Variants in RCOR2 observed in about 807,000 individuals in gnomAD.
RCOR2 encodes the protein REST corepressor 2.
In RCOR2, 19 loss-of-function variants were observed where a neutral mutation model predicts 58.9. The observed-to-expected ratio is 0.32, with a 90% CI of 0.23 to 0.47. The LOEUF is 0.47. Among genes scored for constraint, RCOR2 ranks in the 20% least tolerant of loss-of-function variants. The pLI, the probability that RCOR2 is intolerant of heterozygous loss-of-function variation, is 1.00. For missense variants in RCOR2, 590 were observed against 707.9 expected (o/e 0.83, Z 1.89); for synonymous variants, 286 against 278.7 (o/e 1.03, Z -0.26).
chr11:63,915,272 G>T lies in RCOR2; in HGVS notation c.185-14C>A. 1 of 1,550,442 alleles carries T rather than the reference G, an allele frequency of 6.4e-7. No individual in the cohort carries two copies. The highest frequency in any genetic ancestry group is 1.2e-5 in the South Asian group (1 of 84,038). On this transcript the variant is annotated splice_polypyrimidine_tract_variant and intron_variant, in intron 2 of 11. Coordinates refer to ENST00000301459, the MANE Select transcript of RCOR2 (RefSeq NM_173587.4). ...GTGCGGGGCTCTCTGAAAGGCCGAG[G>T]AGCAGGAGGGAAGACACTCAGATCA...
chr11:63,927,171 G>T, the RCOR2 span, among the ~76,000 whole-genome samples: 1 of 152,046 alleles, frequency 6.6e-6, no homozygotes, highest in African/African-American at 2.4e-5. Context: ...CTTACCTTTC[G>T]AAATGAAGCT....
chr11:63,913,764 G>A (rs1394153702), intron 8 of RCOR2, among the ~76,000 whole-genome samples, 190 bp downstream of exon 8: 1 of 152,182 alleles, frequency 6.6e-6, no homozygotes, highest in Admixed American at 6.5e-5. Flanking sequence ...TTACAGGCGT[G>A]AGCCAGCGCA....
chr11:63,914,389 C>T, intron 6 of RCOR2, 28 bp downstream of exon 6: 1 of 1,613,376 alleles, frequency 6.2e-7, no homozygotes, highest in South Asian at 1.1e-5. Context: ...TACCTACCCC[C>T]ATGCCCAGTG....
Position 63,912,717 on chromosome 11 carries a change from T to C in RCOR2, c.986A>G (p.Asn329Ser). 1.2e-6 allele frequency: 2 copies of C among 1,613,866 alleles called. No homozygotes were observed. Among genetic ancestry groups the C allele is most frequent in the Non-Finnish European group, 1.7e-6 (2 of 1,179,958 alleles). ...CTGCTCATCTGTGGTCCAGCGGGAGTTGAACTTGGTGTTGGCCTGGAAAGC... is the reference window on the plus strand; with the variant it reads ...CTGCTCATCTGTGGTCCAGCGGGAGCTGAACTTGGTGTTGGCCTGGAAAGC... ...LRPPEANTKF[N>S]SRWTTDEQLL... is the part of the protein sequence containing the mutation. Residue 329 changes from asparagine (N) to serine (S), a missense_variant, in exon 10 of 12, where the codon AAC (asparagine) becomes AGC (serine). Asn to Ser is a conservative substitution (Grantham distance 46). Transcript: ENST00000301459.
chr11:63,923,454 C>T, the RCOR2 span, among the ~76,000 whole-genome samples: 1 of 152,082 alleles, frequency 6.6e-6, no homozygotes. Flanking sequence ...GTCCTCACCT[C>T]CCACTCACTC....
chr11:63,915,148 C>G (rs1474130619), intron 3 of RCOR2, 30 bp downstream of exon 3: 10 of 1,542,788 alleles, frequency 6.5e-6, no homozygotes, highest in Non-Finnish European at 8.8e-7. Flanking sequence ...GAACCCAAGC[C>G]CCCACCTCCC....
intron 1 of RCOR2, among the ~76,000 whole-genome samples, 185 bp from the exon 2 acceptor site, chr11:63,915,796 AGGAAAAGAC>A (rs1941848724): frequency 6.6e-6 from 1 of 152,132 alleles, no homozygotes; most frequent in Non-Finnish European, 1.5e-5. Flanking sequence ...GGACTGGAAG[AGGAAAAGAC>A]CCTGTCCAGC....
upstream of RCOR2, among the ~76,000 whole-genome samples, chr11:63,921,158 C>T (rs976895271): frequency 2.0e-5 from 3 of 152,130 alleles, no homozygotes; most frequent in Admixed American, 6.5e-5. Context: ...TCAGCAAGAC[C>T]TCGGGTTGAG....
chr11:63,919,598 G>A (rs1211049909), upstream of RCOR2, among the ~76,000 whole-genome samples: 1 of 152,228 alleles, frequency 6.6e-6, no homozygotes, highest in African/African-American at 2.4e-5. Context: ...GGTGTGGGAG[G>A]GGAGGGAAGG....
upstream of RCOR2, among the ~76,000 whole-genome samples, chr11:63,918,336 C>T (rs544704353): frequency 6.6e-6 from 1 of 152,320 alleles, no homozygotes; most frequent in South Asian, 2.1e-4. Context: ...CGGGGTGTTG[C>T]GGTCGGGCCA....
At chr11:63,912,560 G>C in intron 10 of RCOR2, 26 bp from the exon 11 acceptor site, 1 of 1,597,056 alleles carries the variant, frequency 6.3e-7, no homozygotes, top group Non-Finnish European at 8.6e-7. Flanking sequence ...GGGCAGCAGC[G>C]TCAATACCCC....
chr11:63,912,533 G>C lies in RCOR2; in HGVS notation c.1029C>G (p.Ala343=). The change falls in exon 11 of 12, where the codon GCC becomes GCG. Residue 343 remains alanine, a splice_region_variant and synonymous_variant. Transcript: ENST00000301459. ...CAAAGTCTTTGCCATACCTACGGAT[G>C]GCTGCAAGGGTCAAAAGGGCAGCAG... ...TTDEQLLAVQ[A]IRRYGKDFGA... 6.2e-7 allele frequency: 1 copy of C among 1,612,420 alleles called. No individual in the cohort carries two copies. Among genetic ancestry groups the C allele is most frequent in the Non-Finnish European group, 8.5e-7 (1 of 1,178,596 alleles).
At chr11:63,915,288 A>G in intron 2 of RCOR2, 30 bp from the exon 3 acceptor site, 2 of 1,542,326 alleles carry the variant, frequency 1.3e-6, no homozygotes, top group Non-Finnish European at 1.8e-6. Context: ...GAGGGAAGAC[A>G]CTCAGATCAG....
chr11:63,913,085 T>C (rs1941800874), intron 8 of RCOR2, 138 bp from the exon 9 acceptor site: 1 of 694,944 alleles, frequency 1.4e-6, no homozygotes, highest in Middle Eastern at 3.5e-4. Flanking sequence ...ATCTGGCTTG[T>C]TCCTCCTAAA....
rs1941783871 is a variant in RCOR2 at position 63,912,503 on chromosome 11, A to G, written c.1059T>C (p.Ala353=). Reference sequence around the variant, plus strand: ...TCTTGTTCCCAATCACCTCTGCAATAGCCCCAAAGTCTTTGCCATACCTAC... The same window carrying G: ...TCTTGTTCCCAATCACCTCTGCAATGGCCCCAAAGTCTTTGCCATACCTAC... ...AIRRYGKDFG[A]IAEVIGNKTL... Residue 353 remains alanine, a synonymous_variant, in exon 11 of 12, where the codon GCT becomes GCC. Coordinates refer to ENST00000301459, the MANE Select transcript of RCOR2 (RefSeq NM_173587.4). 1 of 1,613,822 alleles carries G rather than the reference A, an allele frequency of 6.2e-7. No individual in the cohort carries two copies. Among genetic ancestry groups the G allele is most frequent in the African/African-American group, 1.3e-5 (1 of 74,878 alleles).
At chr11:63,917,582 T>C (rs1170774710), upstream of RCOR2, among the ~76,000 whole-genome samples, 1 of 152,016 alleles carries the variant, frequency 6.6e-6, no homozygotes, top group Non-Finnish European at 1.5e-5. Flanking sequence ...CGCCCCCCCT[T>C]CCGCAGGGGG....
the RCOR2 span, among the ~76,000 whole-genome samples, chr11:63,922,914 G>A: frequency 6.6e-6 from 1 of 152,094 alleles, no homozygotes; most frequent in Non-Finnish European, 1.5e-5. Flanking sequence ...GGGCTGCTGG[G>A]TGCTCTGCTC....
intron 8 of RCOR2, 120 bp from the exon 9 acceptor site, chr11:63,913,067 C>T: frequency 1.2e-6 from 1 of 809,168 alleles, no homozygotes; most frequent in Admixed American, 2.6e-5. Flanking sequence ...AGCTTTCTGC[C>T]ATCCACCATC....
intron 1 of RCOR2, 57 bp downstream of exon 1, chr11:63,916,273 G>C (rs2134248758): frequency 1.3e-4 from 156 of 1,203,282 alleles, no homozygotes; most frequent in Non-Finnish European, 1.7e-4. Context: ...TCCCCCTCCC[G>C]CCCCACTCCG....
Sources: gnomAD v4.1 joint callset for allele counts (sites outside exome capture counted in the v4.1 genomes callset) on GRCh38, gnomAD v4.1.1 for gene constraint, MANE v1.5 for transcripts, NCBI Gene and HGNC (gene_info 2026-07-23, HGNC 2026-07-21) for gene names.